IYD: variants seen among roughly 807,000 people sequenced by gnomAD.
The protein encoded by IYD is iodotyrosine deiodinase.
In IYD, 25 loss-of-function variants were observed where a neutral mutation model predicts 28.4. The ratio of observed to expected loss-of-function variants is 0.88; its 90% CI spans 0.64 to 1.23. The LOEUF is 1.23. Ranked by LOEUF, IYD falls within the 50% of genes most tolerant of loss-of-function variation. The probability of loss-of-function intolerance (pLI) is 0.00; values close to 1 mark genes in which losing one functional copy is unlikely to be tolerated. For synonymous variants in IYD, 140 were observed against 130.8 expected (o/e 1.07, Z -0.48); for missense variants, 352 against 357.9 (o/e 0.98, Z 0.13).
intron 2 of IYD, 134 bp from the exon 3 acceptor site, chr6:150,392,211 T>G: frequency 7.3e-7 from 1 of 1,366,392 alleles, no homozygotes; most frequent in Non-Finnish European, 1.0e-6. Context: ...AAAAAAAAAA[T>G]CTGCAAAATT....
intron 3 of IYD, among the ~76,000 whole-genome samples, chr6:150,393,368 G>A (rs1778196204): frequency 6.6e-6 from 1 of 152,200 alleles, no homozygotes; most frequent in Non-Finnish European, 1.5e-5. Context: ...GTTGAAGTAT[G>A]GTTAAGTAGC....
intron 1 of IYD, chr6:150,384,668 T>C: frequency 6.6e-6 from 1 of 152,216 alleles, no homozygotes; most frequent in South Asian, 2.1e-4. Flanking sequence ...CAGAAGTATG[T>C]CTTTTCATGA....
intron 1 of IYD, among the ~76,000 whole-genome samples, chr6:150,387,660 TC>T (rs1225592140): frequency 6.6e-6 from 1 of 152,098 alleles, no homozygotes. Context: ...CTTGCCCAAT[TC>T]TAAGTGTTTT....
chr6:150,397,738 T>C (rs1195278280), intron 4 of IYD, among the ~76,000 whole-genome samples: 2 of 152,112 alleles, frequency 1.3e-5, no homozygotes, highest in African/African-American at 2.4e-5. Flanking sequence ...GCCTTTCCTC[T>C]ACTGTAGTTG....
intron 1 of IYD, among the ~76,000 whole-genome samples, chr6:150,371,404 A>G (rs901148016): frequency 3.9e-5 from 6 of 152,168 alleles, no homozygotes; most frequent in Non-Finnish European, 8.8e-5. Context: ...CCTAGAATGG[A>G]GGAGGCAGGA....
rs143074952 is a variant in IYD at position 150,389,538 on chromosome 6, C to A, written c.365C>A (p.Thr122Lys). ...GAAGTCATTGATAATGTCATCAGAA[C>A]GGCAGGTTTGTAATTGCAGATGGGG... ...PMEVIDNVIR[T>K]AGTAPSGAHT... The change falls in exon 2 of 5, where the codon ACG (threonine) becomes AAG (lysine). Residue 122 changes from threonine to lysine, a missense_variant. Physicochemically the swap from Thr to Lys is moderately conservative, Grantham distance 78. Transcript: ENST00000344419. 1 of 1,613,658 alleles carries A rather than the reference C, an allele frequency of 6.2e-7. No individual in the cohort carries two copies. Among genetic ancestry groups the A allele is most frequent in the Admixed American group, 1.7e-5 (1 of 60,024 alleles).
chr6:150,372,103 A>T (rs1367549554), intron 1 of IYD, among the ~76,000 whole-genome samples: 1 of 152,224 alleles, frequency 6.6e-6, no homozygotes, highest in Non-Finnish European at 1.5e-5. Flanking sequence ...ACCATTTTTA[A>T]TATTAACAAG....
chr6:150,385,354 T>C (rs903503417), intron 1 of IYD, among the ~76,000 whole-genome samples: 1 of 152,100 alleles, frequency 6.6e-6, no homozygotes, highest in Non-Finnish European at 1.5e-5. Context: ...GTGGGGTTTT[T>C]CCCCCCATAG....
intron 1 of IYD, among the ~76,000 whole-genome samples, chr6:150,387,195 A>C (rs1416063090): frequency 6.6e-6 from 1 of 152,078 alleles, no homozygotes; most frequent in African/African-American, 2.4e-5. Flanking sequence ...TGTTGTCAGG[A>C]TCAATTATGA....
At chr6:150,380,853 T>C (rs1160264886) in intron 1 of IYD, among the ~76,000 whole-genome samples, 5 of 152,218 alleles carry the variant, frequency 3.3e-5, no homozygotes, top group Non-Finnish European at 7.3e-5. Context: ...GCCACTGTCA[T>C]AGGCCTCCCT....
At chr6:150,373,932 C>T (rs1020190938) in intron 1 of IYD, among the ~76,000 whole-genome samples, 1 of 152,054 alleles carries the variant, frequency 6.6e-6, no homozygotes, top group African/African-American at 2.4e-5. Context: ...AAGAGACAGG[C>T]AAGTTTAGAT....
intron 2 of IYD, 95 bp from the exon 3 acceptor site, chr6:150,392,249 CA>C: frequency 6.3e-7 from 1 of 1,598,792 alleles, no homozygotes; most frequent in Non-Finnish European, 8.5e-7. Context: ...TCCAGCCTCC[CA>C]AAGTGCTTGG....
chr6:150,372,394 GA>G (rs1453326872), intron 1 of IYD, among the ~76,000 whole-genome samples: 5 of 105,380 alleles, frequency 4.7e-5, no homozygotes, highest in African/African-American at 9.1e-5. Context: ...GTGGGGTGGG[GA>G]GTGCTGAGGG....
intron 1 of IYD, chr6:150,384,312 A>T (rs894773085): frequency 6.6e-6 from 1 of 152,292 alleles, no homozygotes; most frequent in African/African-American, 2.4e-5. Flanking sequence ...TACTCATTAG[A>T]TCCCAACAAT....
chr6:150,395,411 C>G, intron 4 of IYD: 7 of 1,537,106 alleles, frequency 4.6e-6, no homozygotes, highest in Non-Finnish European at 6.1e-6. Flanking sequence ...GAAAAATTAT[C>G]CTGAAGGAGC....
Position 150,402,813 on chromosome 6 carries a change from A to G in IYD, c.*4576A>G, listed in dbSNP as rs1778548974. 1 of 152,244 alleles carries G rather than the reference A, an allele frequency of 6.6e-6. No homozygotes were observed. The highest frequency in any genetic ancestry group is 6.5e-5 in the Admixed American group (1 of 15,290). 9.4% of individuals were successfully genotyped at this position (152,244 alleles called of 1,614,324 possible). ...TTATTTGCTCCTCCCTATGAAAGGA[A>G]GAGTGACTTCTCTGCTGCATGATAT... On this transcript the variant is annotated 3_prime_UTR_variant, in exon 5 of 5. Transcript: ENST00000344419.
In IYD at chr6:150,402,185, C is replaced by G. The variant is rs962001706; in HGVS notation, c.*3948C>G. ...GTCCTCTGCAGGCCTGGAAACCCTC[C>G]GAGACAATTACTTGCATGGGGTAAC... On this transcript the variant is annotated 3_prime_UTR_variant, in exon 5 of 5. Transcript: ENST00000344419. The G allele has an allele frequency of 1.3e-5, 2 of 152,208 alleles. No individual in the cohort carries two copies. The highest frequency in any genetic ancestry group is 2.9e-5 in the Non-Finnish European group (2 of 68,052). 9.4% of individuals were successfully genotyped at this position (152,208 alleles called of 1,614,324 possible).
intron 4 of IYD, chr6:150,395,981 T>C: frequency 2.7e-6 from 1 of 371,244 alleles, no homozygotes; most frequent in South Asian, 5.7e-5. Flanking sequence ...GGCTCTGTAG[T>C]CATAGGAACT....
intron 1 of IYD, among the ~76,000 whole-genome samples, chr6:150,374,394 A>T (rs758454662): frequency 9.2e-5 from 14 of 152,230 alleles, no homozygotes; most frequent in Admixed American, 2.6e-4. Context: ...TTAGTGTATT[A>T]GTCTGTTTTC....
Sources: allele counts gnomAD v4.1 joint callset (sites outside exome capture counted in the v4.1 genomes callset), GRCh38; gene constraint gnomAD v4.1.1; transcripts MANE v1.5; gene names NCBI Gene and HGNC (gene_info 2026-07-23, HGNC 2026-07-21).